Variants in PTPRD observed in about 807,000 individuals in gnomAD.
PTPRD encodes the protein protein tyrosine phosphatase receptor type D.
Under a neutral mutation model 214.5 loss-of-function variants are expected in PTPRD, and 34 were observed. That is an observed-to-expected ratio of 0.16 (90% CI 0.12 to 0.21). The LOEUF is 0.21. Ranked by LOEUF, PTPRD falls within the 10% of genes least tolerant of loss-of-function variation. The pLI, the probability that PTPRD is intolerant of heterozygous loss-of-function variation, is 1.00. For missense variants in PTPRD, 2,545 were observed against 2,398.7 expected, an observed-to-expected ratio of 1.06 and a Z score of -1.27; for synonymous variants, 1,128 against 845.7, an observed-to-expected ratio of 1.33 and a Z score of -5.79.
At chr9:10,163,431 T>C (rs1430396119) in intron 3 of PTPRD, among the ~76,000 whole-genome samples, 2 of 151,512 alleles carry the variant, frequency 1.3e-5, no homozygotes, top group Non-Finnish European at 3.0e-5. Flanking sequence ...CTTATTCTTA[T>C]GTGACTATAC....
intron 8 of PTPRD, among the ~76,000 whole-genome samples, chr9:9,465,362 C>A (rs1353139957): frequency 6.6e-6 from 1 of 152,156 alleles, no homozygotes; most frequent in Non-Finnish European, 1.5e-5. Flanking sequence ...TTGCTTGAAT[C>A]CCTCCTAGGC....
intron 11 of PTPRD, among the ~76,000 whole-genome samples, chr9:8,758,149 T>C (rs1339744604): frequency 2.0e-5 from 3 of 152,212 alleles, no homozygotes; most frequent in Non-Finnish European, 4.4e-5. Context: ...AGGAAGGATT[T>C]TGAGGAAACA....
At chr9:9,689,536 T>C (rs1014782870) in intron 7 of PTPRD, among the ~76,000 whole-genome samples, 2 of 151,886 alleles carry the variant, frequency 1.3e-5, no homozygotes, top group African/African-American at 4.8e-5. Flanking sequence ...TATAGATTAT[T>C]GTTATTTTGA....
At chr9:9,978,075 G>A (rs2095420013) in intron 4 of PTPRD, among the ~76,000 whole-genome samples, 1 of 151,486 alleles carries the variant, frequency 6.6e-6, no homozygotes, top group South Asian at 2.1e-4. Context: ...TGATATTGTA[G>A]AGCAACCACT....
intron 7 of PTPRD, among the ~76,000 whole-genome samples, chr9:9,698,828 C>T (rs2097432976): frequency 6.6e-6 from 1 of 152,140 alleles, no homozygotes; most frequent in Non-Finnish European, 1.5e-5. Context: ...GAAAGGGCAT[C>T]ACAGATATAA....
chr9:8,814,252 G>C (rs1195158143), intron 11 of PTPRD, among the ~76,000 whole-genome samples: 8 of 152,132 alleles, frequency 5.3e-5, no homozygotes, highest in Non-Finnish European at 8.8e-5. Flanking sequence ...GTAAAGAGCA[G>C]GGCATCTTCT....
chr9:9,787,116 G>A (rs1278435381), intron 5 of PTPRD, among the ~76,000 whole-genome samples: 3 of 150,772 alleles, frequency 2.0e-5, no homozygotes, highest in East Asian at 1.9e-4. Flanking sequence ...CAGCCTGGGC[G>A]ACAGAGTGAA....
At chr9:10,142,630 T>C (rs2098994286) in intron 3 of PTPRD, among the ~76,000 whole-genome samples, 1 of 148,378 alleles carries the variant, frequency 6.7e-6, no homozygotes, top group Non-Finnish European at 1.5e-5. Flanking sequence ...AAACAACAGG[T>C]GCTGGAGAGG....
At chr9:8,514,686 T>C (rs2097753863) in intron 21 of PTPRD, among the ~76,000 whole-genome samples, 1 of 152,198 alleles carries the variant, frequency 6.6e-6, no homozygotes, top group Admixed American at 6.5e-5. Context: ...CTTTTCATTA[T>C]TGAATACCTA....
intron 2 of PTPRD, among the ~76,000 whole-genome samples, chr9:10,456,582 C>T (rs1473800991): frequency 2.6e-5 from 4 of 151,764 alleles, no homozygotes; most frequent in Non-Finnish European, 5.9e-5. Flanking sequence ...ATAGATAGCA[C>T]CTTTCTCTGG....
At chr9:9,830,127 T>C (rs995311981) in intron 5 of PTPRD, among the ~76,000 whole-genome samples, 1 of 151,766 alleles carries the variant, frequency 6.6e-6, no homozygotes, top group Non-Finnish European at 1.5e-5. Context: ...AAAATTCATA[T>C]ATATCTTTTT....
At chr9:8,433,484 G>A (rs2095192631) in intron 35 of PTPRD, among the ~76,000 whole-genome samples, 1 of 152,166 alleles carries the variant, frequency 6.6e-6, no homozygotes, top group African/African-American at 2.4e-5. Context: ...CATAGGAGAT[G>A]ACAGCTCCAG....
intron 9 of PTPRD, among the ~76,000 whole-genome samples, chr9:9,379,984 T>C (rs1160318421): frequency 1.3e-5 from 2 of 152,010 alleles, no homozygotes; most frequent in Non-Finnish European, 2.9e-5. Flanking sequence ...GATATTTTCA[T>C]TTTTTTCTTT....
intron 7 of PTPRD, among the ~76,000 whole-genome samples, chr9:9,607,999 T>G (rs2094287260): frequency 6.6e-6 from 1 of 152,078 alleles, no homozygotes; most frequent in South Asian, 2.1e-4. Context: ...AATCGATGGG[T>G]TAAATTCTGA....
intron 8 of PTPRD, among the ~76,000 whole-genome samples, chr9:9,570,880 G>C (rs1222337091): frequency 6.6e-6 from 1 of 151,416 alleles, no homozygotes; most frequent in Admixed American, 6.6e-5. Flanking sequence ...TCCATCTTTA[G>C]TTTCAAGGAT....
intron 9 of PTPRD, among the ~76,000 whole-genome samples, chr9:9,392,123 C>T (rs958320806): frequency 2.0e-5 from 3 of 152,122 alleles, no homozygotes; most frequent in South Asian, 2.1e-4. Context: ...AGGCAAAACT[C>T]GTTATTTCAT....
chr9:10,372,149 T>C (rs530153882), intron 2 of PTPRD, among the ~76,000 whole-genome samples: 3 of 152,212 alleles, frequency 2.0e-5, no homozygotes, highest in African/African-American at 7.2e-5. Context: ...AAACAGACTT[T>C]AGTACAATAC....
At chr9:8,543,595 C>G (rs192510068) in intron 14 of PTPRD, among the ~76,000 whole-genome samples, 2 of 152,162 alleles carry the variant, frequency 1.3e-5, no homozygotes, top group Non-Finnish European at 2.9e-5. Flanking sequence ...ATATTATACA[C>G]GACAGGTTTT....
chr9:9,138,893 T>C (rs1592256225), intron 10 of PTPRD, among the ~76,000 whole-genome samples: 1 of 152,310 alleles, frequency 6.6e-6, no homozygotes, highest in African/African-American at 2.4e-5. Flanking sequence ...TTTTACACAA[T>C]TAATGTTATA....
Sources: allele counts gnomAD v4.1 joint callset (sites outside exome capture counted in the v4.1 genomes callset), GRCh38; gene constraint gnomAD v4.1.1; transcripts MANE v1.5; gene names NCBI Gene and HGNC (gene_info 2026-07-23, HGNC 2026-07-21).